The following TENM2 variants were observed in gnomAD, a reference collection of about 807,000 sequenced individuals.
TENM2 encodes the protein teneurin-2.
Under a neutral mutation model 245.2 loss-of-function variants are expected in TENM2, and 52 were observed. That is an observed-to-expected ratio of 0.21 (90% CI 0.17 to 0.27). TENM2 has a LOEUF of 0.27. TENM2 is among the 10% of genes least tolerant of loss of function. The pLI is 1.00. For synonymous variants in TENM2, 1,363 were observed against 1,438.9 expected (o/e 0.95, Z 1.19); for missense variants, 3,046 against 3,666.8 (o/e 0.83, Z 4.37).
intron 2 of TENM2, among the ~76,000 whole-genome samples, chr5:167,703,225 A>T (rs967438581): frequency 3.1e-4 from 47 of 152,200 alleles, no homozygotes; most frequent in African/African-American, 1.1e-3. Flanking sequence ...AGTAAGTGGT[A>T]TACAGCCTTA....
At chr5:168,075,995 A>G (rs1233147962) in intron 7 of TENM2, among the ~76,000 whole-genome samples, 1 of 152,082 alleles carries the variant, frequency 6.6e-6, no homozygotes, top group Non-Finnish European at 1.5e-5. Context: ...CCCACGACAC[A>G]TGGGAATTAT....
intron 4 of TENM2, among the ~76,000 whole-genome samples, chr5:167,990,425 T>C (rs574986123): frequency 7.9e-5 from 12 of 152,312 alleles, no homozygotes; most frequent in African/African-American, 2.6e-4. Context: ...CTGCATGATA[T>C]TGTAGGATTA....
chr5:168,105,935 G>C (rs1794205921), intron 9 of TENM2, among the ~76,000 whole-genome samples: 1 of 152,098 alleles, frequency 6.6e-6, no homozygotes, highest in Non-Finnish European at 1.5e-5. Context: ...TTTAACTTCA[G>C]GTGCTTCCTC....
intron 2 of TENM2, among the ~76,000 whole-genome samples, chr5:167,839,913 G>T (rs1163923388): frequency 6.6e-6 from 1 of 152,182 alleles, no homozygotes; most frequent in Admixed American, 6.5e-5. Flanking sequence ...CGCCTCCCGG[G>T]TTCAAGCAAT....
chr5:168,146,960 C>T (rs759194747), intron 12 of TENM2, among the ~76,000 whole-genome samples: 3 of 152,234 alleles, frequency 2.0e-5, no homozygotes, highest in Non-Finnish European at 4.4e-5. Flanking sequence ...AAGTCATCCT[C>T]TGCAGGAGTG....
the TENM2 span, among the ~76,000 whole-genome samples, chr5:166,985,035 A>G: frequency 6.6e-6 from 1 of 152,200 alleles, no homozygotes. Context: ...TGTCTAAGAA[A>G]GTAAATGCCA....
At chr5:166,987,163 TC>T in the TENM2 span, among the ~76,000 whole-genome samples, 1 of 152,156 alleles carries the variant, frequency 6.6e-6, no homozygotes, top group African/African-American at 2.4e-5. Context: ...TGAAGTCTAT[TC>T]CTGGGCAATT....
chr5:167,659,472 G>A (rs1254813134), intron 2 of TENM2, among the ~76,000 whole-genome samples: 1 of 152,094 alleles, frequency 6.6e-6, no homozygotes, highest in East Asian at 1.9e-4. Flanking sequence ...TGAATACAAG[G>A]AAGCAAATGA....
At chr5:168,046,886 G>A (rs1432219931) in intron 5 of TENM2, among the ~76,000 whole-genome samples, 1 of 152,198 alleles carries the variant, frequency 6.6e-6, no homozygotes, top group Non-Finnish European at 1.5e-5. Context: ...AGGTGGGCCA[G>A]TACCACTATA....
At chr5:167,615,961 C>G (rs1777765416) in intron 2 of TENM2, among the ~76,000 whole-genome samples, 1 of 152,080 alleles carries the variant, frequency 6.6e-6, no homozygotes, top group African/African-American at 2.4e-5. Flanking sequence ...AATGCTCATT[C>G]AAGAATAACC....
At chr5:167,429,795 C>T (rs1470573670) in intron 2 of TENM2, among the ~76,000 whole-genome samples, 2 of 151,942 alleles carry the variant, frequency 1.3e-5, no homozygotes, top group African/African-American at 4.8e-5. Context: ...TTAGTACAGA[C>T]AGGGTTTCAC....
At chr5:167,521,084 T>TG (rs1770722544) in intron 2 of TENM2, among the ~76,000 whole-genome samples, 1 of 151,902 alleles carries the variant, frequency 6.6e-6, no homozygotes, top group East Asian at 1.9e-4. Context: ...CTGACCATTC[T>TG]GGAGAGACTG....
rs370697921 is a variant in TENM2 at position 168,047,884 on chromosome 5, G to GGCA, written c.1309+358_1309+360dup. Among the ~76,000 whole-genome samples, 1,000 of 151,806 alleles carry GGCA rather than the reference G, an allele frequency of 6.6e-3. 17 individuals carry two copies. The highest frequency in any genetic ancestry group is 0.022 in the African/African-American group (926 of 41,424). On this transcript the variant is annotated intron_variant, in intron 6 of 28. Coordinates refer to ENST00000518659, the Ensembl canonical transcript of TENM2. The stretch of plus-strand genomic sequence containing the variant: ...CAGCAGCCACAGCAGCAGCTGGAGT[G>GGCA]GCAGCAGCAGCAGCAGCAGCAGCAG...
At chr5:167,170,417 T>A in the TENM2 span, among the ~76,000 whole-genome samples, 1 of 152,196 alleles carries the variant, frequency 6.6e-6, no homozygotes, top group Non-Finnish European at 1.5e-5. Context: ...AAATAAACGT[T>A]GTTTTGGCCA....
chr5:167,305,231 CCAAA>C (rs1449645304), intron 1 of TENM2, among the ~76,000 whole-genome samples: 3 of 152,112 alleles, frequency 2.0e-5, no homozygotes, highest in Admixed American at 2.0e-4. Context: ...ATCTTTGTTG[CCAAA>C]CAAAGCCAGA....
rs116213020 is a variant in TENM2 at position 167,413,158 on chromosome 5, T to G, written c.502+37685T>G. Among the ~76,000 whole-genome samples, 854 of 152,268 alleles carry G rather than the reference T, an allele frequency of 5.6e-3. 12 individuals carry two copies. The highest frequency in any genetic ancestry group is 0.019 in the African/African-American group (808 of 41,578). On this transcript the variant is annotated intron_variant, in intron 2 of 28. Coordinates refer to ENST00000518659, the Ensembl canonical transcript of TENM2. ...TTTATTTATTTTTTGGCTCTGATCA[T>G]CAGTATTAATTCAATTCTATTTGTT...
chr5:168,147,560 T>C (rs1756211967), intron 12 of TENM2, among the ~76,000 whole-genome samples: 1 of 152,164 alleles, frequency 6.6e-6, no homozygotes, highest in African/African-American at 2.4e-5. Flanking sequence ...AATTATCTGT[T>C]TGGGGGAAGT....
At chr5:167,152,828 A>T in the TENM2 span, among the ~76,000 whole-genome samples, 1 of 152,220 alleles carries the variant, frequency 6.6e-6, no homozygotes, top group Non-Finnish European at 1.5e-5. Flanking sequence ...GAATACTCAG[A>T]ATAGTGCTCA....
the TENM2 span, among the ~76,000 whole-genome samples, chr5:167,157,039 GC>G: frequency 6.6e-6 from 1 of 152,078 alleles, no homozygotes; most frequent in Non-Finnish European, 1.5e-5. Flanking sequence ...ATGCAGGTGT[GC>G]TTCATAATAT....
Sources: allele counts gnomAD v4.1 joint callset (sites outside exome capture counted in the v4.1 genomes callset), GRCh38; gene constraint gnomAD v4.1.1; transcripts MANE v1.5; gene names NCBI Gene and HGNC (gene_info 2026-07-23, HGNC 2026-07-21).